The following MAST4 variants were observed in gnomAD, a reference collection of about 807,000 sequenced individuals.
MAST4 encodes the protein microtubule-associated serine/threonine-protein kinase 4.
A neutral mutation model predicts 162.7 loss-of-function variants in MAST4; 89 were observed. That is an observed-to-expected ratio of 0.55 (90% confidence interval 0.46 to 0.65). The LOEUF (loss-of-function observed/expected upper bound fraction) is 0.65. Ranked by LOEUF, MAST4 falls within the 30% of genes least tolerant of loss-of-function variation. The pLI is 0.00. For missense variants in MAST4, 3,153 were observed against 3,374.0 expected (o/e 0.93, Z 1.62); for synonymous variants, 1,479 against 1,361.1 (o/e 1.09, Z -1.91).
chr5:66,827,849 A>G (rs539812672), intron 3 of MAST4, among the ~76,000 whole-genome samples: 60 of 152,340 alleles, frequency 3.9e-4, no homozygotes, highest in African/African-American at 1.4e-3. Context: ...CCAAGGAGGA[A>G]TAATTTATTA....
In MAST4 at chr5:67,118,746, G is replaced by T; in HGVS notation, c.1656G>T (p.Val552=). Residue 552 remains valine (V), a synonymous_variant, in exon 13 of 29, where the codon GTG becomes GTT. Transcript: ENST00000403625. ...TAETPETDES[V]SSSNASLKLR... ...AAACACCAGAAACAGATGAATCAGT[G>T]AGTGTAAGTATATTTCTTGATGAAA... is the stretch of plus-strand genomic sequence containing the variant. 6.5e-7 allele frequency: 1 copy of T among 1,543,566 alleles called. No homozygotes were observed.
intron 3 of MAST4, among the ~76,000 whole-genome samples, chr5:66,821,189 T>G (rs1442117094): frequency 6.6e-6 from 1 of 152,208 alleles, no homozygotes; most frequent in Non-Finnish European, 1.5e-5. Flanking sequence ...CCCTCTCTTT[T>G]ATTTGGAGTG....
At chr5:67,090,025 A>G in intron 5 of MAST4, 137 bp from the exon 6 acceptor site, 1 of 568,910 alleles carries the variant, frequency 1.8e-6, no homozygotes, top group Non-Finnish European at 3.1e-6. Context: ...TCCCTGGTCC[A>G]GGTAAAACTA....
At chr5:67,050,949 A>G (rs1392535325) in intron 4 of MAST4, among the ~76,000 whole-genome samples, 1 of 152,224 alleles carries the variant, frequency 6.6e-6, no homozygotes, top group East Asian at 1.9e-4. Flanking sequence ...GAATGAAGTC[A>G]AAAGAATGTA....
chr5:66,644,240 T>C (rs956907110), intron 1 of MAST4, among the ~76,000 whole-genome samples: 3 of 152,146 alleles, frequency 2.0e-5, no homozygotes, highest in African/African-American at 7.2e-5. Flanking sequence ...AGCAAACAGC[T>C]TTATGTAATA....
At chr5:66,910,726 G>T (rs1763684252) in intron 4 of MAST4, among the ~76,000 whole-genome samples, 4 of 136,916 alleles carry the variant, frequency 2.9e-5, no homozygotes, top group Non-Finnish European at 3.1e-5. Flanking sequence ...GAATACACAT[G>T]TGGTTTTTTT....
chr5:67,103,434 A>G (rs1561655911), intron 9 of MAST4, among the ~76,000 whole-genome samples: 2 of 152,214 alleles, frequency 1.3e-5, no homozygotes, highest in Admixed American at 6.5e-5. Flanking sequence ...TGTTTTAGCT[A>G]TTTATCACAT....
chr5:66,828,185 G>A (rs868346769), intron 3 of MAST4, among the ~76,000 whole-genome samples: 1 of 152,182 alleles, frequency 6.6e-6, no homozygotes, highest in Non-Finnish European at 1.5e-5. Flanking sequence ...TGAAGGGCAG[G>A]TATTTATGTA....
chr5:67,065,480 A>T (rs967672923), intron 5 of MAST4, among the ~76,000 whole-genome samples: 10 of 152,082 alleles, frequency 6.6e-5, no homozygotes, highest in Non-Finnish European at 1.5e-4. Context: ...CAGGCAAACT[A>T]ACTGTTCCAC....
chr5:66,900,202 C>T lies in MAST4; in HGVS notation c.674+220C>T, dbSNP rs114672854. 5.4e-3 allele frequency among the ~76,000 whole-genome samples: 821 copies of T among 152,096 alleles called. 7 individuals carry two copies. Among genetic ancestry groups the T allele is most frequent in the African/African-American group, 0.019 (784 of 41,502 alleles). ...TTGCAAACCTAAATGTATATTTATT[C>T]CTCGGAGAATCTTAATTTTTAAAAT... On this transcript the variant is annotated intron_variant, in intron 4 of 28. Transcript: ENST00000403625.
chr5:66,955,911 G>A (rs1208838443), intron 4 of MAST4, among the ~76,000 whole-genome samples: 2 of 151,596 alleles, frequency 1.3e-5, no homozygotes, highest in African/African-American at 4.8e-5. Flanking sequence ...AGTTTTATTA[G>A]TTTGATATCA....
intron 2 of MAST4, among the ~76,000 whole-genome samples, chr5:66,777,571 T>C (rs1754661466): frequency 1.3e-5 from 2 of 152,144 alleles, no homozygotes; most frequent in Middle Eastern, 3.4e-3. Flanking sequence ...AAATCAACAG[T>C]TTGATTTTAT....
chr5:66,649,001 A>G (rs1746043931), intron 1 of MAST4, among the ~76,000 whole-genome samples: 1 of 152,150 alleles, frequency 6.6e-6, no homozygotes, highest in African/African-American at 2.4e-5. Flanking sequence ...ATACCTTCAG[A>G]AGTATAAGTA....
At chr5:66,788,117 T>C (rs564446962) in intron 2 of MAST4, among the ~76,000 whole-genome samples, 6 of 152,192 alleles carry the variant, frequency 3.9e-5, no homozygotes, top group Non-Finnish European at 8.8e-5. Flanking sequence ...TTTATGCAAA[T>C]GGATATGATT....
In MAST4 at chr5:67,145,227, T is replaced by G. The variant is rs773843121; in HGVS notation, c.2942T>G (p.Ile981Ser). The change falls in exon 23 of 29, where the codon ATT becomes AGT. Residue 981 changes from isoleucine (I) to serine (S), a missense_variant. Physicochemically the swap from Ile to Ser is moderately radical, Grantham distance 142. This residue lies in a region of MAST4 where 619 missense variants were observed against 744.2 expected (regional missense o/e 0.83). Transcript: ENST00000403625. ...LSSGLLPKLA[I>S]STEGEQDEAA... is the part of the protein sequence containing the mutation. ...TCTGGCCTACTTCCCAAACTGGCTA[T>G]TTCAACAGAGGGAGAGCAAGATGAA... The G allele has an allele frequency of 6.2e-7, 1 of 1,613,794 alleles. No individual in the cohort carries two copies.
chr5:66,625,181 T>C (rs1744345944), intron 1 of MAST4, among the ~76,000 whole-genome samples: 1 of 152,186 alleles, frequency 6.6e-6, no homozygotes. Context: ...TGTGCGTGTG[T>C]GTGTCTTCTC....
intron 1 of MAST4, among the ~76,000 whole-genome samples, chr5:66,708,470 C>T (rs1410503426): frequency 6.6e-6 from 1 of 152,192 alleles, no homozygotes; most frequent in Non-Finnish European, 1.5e-5. Flanking sequence ...TCATACCTAA[C>T]AGACTCTAGG....
intron 1 of MAST4, among the ~76,000 whole-genome samples, chr5:66,649,108 C>T (rs565245722): frequency 1.1e-4 from 16 of 152,140 alleles, no homozygotes; most frequent in Admixed American, 2.0e-4. Context: ...AGAGTATTTC[C>T]GCTTTTGTGA....
chr5:66,974,691 A>G (rs1450163551), intron 4 of MAST4, among the ~76,000 whole-genome samples: 3 of 152,226 alleles, frequency 2.0e-5, no homozygotes, highest in African/African-American at 7.2e-5. Flanking sequence ...AGAACTTTTT[A>G]CCATGGAATC....
Sources: allele counts gnomAD v4.1 joint callset (sites outside exome capture counted in the v4.1 genomes callset), GRCh38; gene constraint gnomAD v4.1.1; regional missense constraint gnomAD v4.1.1; transcripts MANE v1.5; gene names NCBI Gene and HGNC (gene_info 2026-07-23, HGNC 2026-07-21).